The following ADGRG2 variants were observed in gnomAD, a reference collection of about 807,000 sequenced individuals.
ADGRG2 encodes G protein-coupled receptor 64.
Under a neutral mutation model 74.1 loss-of-function variants are expected in ADGRG2, and 26 were observed. The observed-to-expected ratio is 0.35, with a 90% CI of 0.26 to 0.49. ADGRG2 has a LOEUF of 0.49. ADGRG2 is among the 20% of genes least tolerant of loss of function. ADGRG2 has a pLI of 0.99. For synonymous variants in ADGRG2, 296 were observed against 295.2 expected, an observed-to-expected ratio of 1.00 and a Z score of -0.03; for missense variants, 619 against 763.1, an observed-to-expected ratio of 0.81 and a Z score of 2.22.
chrX:19,107,969 A>G lies in ADGRG2; in HGVS notation c.-47+14473T>C, dbSNP rs190687941. Among the ~76,000 whole-genome samples the G allele has an allele frequency of 9.5e-4, 102 of 107,082 alleles. 2 individuals carry two copies. The East Asian group carries it at 0.025, about 26-fold the overall frequency. 93.0% of individuals were successfully genotyped at this position (107,082 alleles called of 115,157 possible). A position where few individuals can be genotyped will look rare whatever the true frequency, so the allele number is the denominator to read the frequency against. ...CAAAAAATTAGCCAGGTGTGGTGGCACGCACCTGTAGTCCCAGCTACTCAG... is the reference window on the plus strand; with the variant it reads ...CAAAAAATTAGCCAGGTGTGGTGGCGCGCACCTGTAGTCCCAGCTACTCAG... On this transcript the variant is annotated intron_variant, in intron 1 of 28. Transcript: ENST00000379869.
In ADGRG2 at chrX:18,990,993, C is replaced by G; in HGVS notation, c.2925G>C (p.Val975=). The G allele has an allele frequency of 8.3e-7, 1 of 1,202,199 alleles. No individual in the cohort carries two copies. The highest frequency in any genetic ancestry group is 1.8e-5 in the South Asian group (1 of 56,538). The change falls in exon 29 of 29, where the codon GTG becomes GTC. Residue 975 remains valine (V), a synonymous_variant. Transcript: ENST00000379869. ...GVSFSVQNGD[V]CLHDFTGKQH... is the part of the protein sequence containing the mutation. ...GTTTTCCAGTGAAATCGTGAAGGCACACATCTCCATTCTGAACACTAAAAG... is the reference window on the plus strand; with the variant it reads ...GTTTTCCAGTGAAATCGTGAAGGCAGACATCTCCATTCTGAACACTAAAAG...
chrX:19,103,160 C>A (rs771598398), intron 1 of ADGRG2, among the ~76,000 whole-genome samples: 1 of 111,504 alleles, frequency 9.0e-6, no homozygotes, highest in South Asian at 3.8e-4. Flanking sequence ...AGCCAAAATG[C>A]ACCAAAAACC....
intron 1 of ADGRG2, among the ~76,000 whole-genome samples, chrX:19,101,558 G>A (rs1314456903): frequency 9.1e-6 from 1 of 109,575 alleles, no homozygotes; most frequent in African/African-American, 3.3e-5. Context: ...AAAATTAGCC[G>A]ACCCTAGTGG....
chrX:19,105,387 A>C (rs988692541), intron 1 of ADGRG2, among the ~76,000 whole-genome samples: 8 of 112,623 alleles, frequency 7.1e-5, no homozygotes, highest in Admixed American at 1.9e-4. Context: ...TCATCCAACT[A>C]TAATTAGTTG....
At chrX:19,061,475 T>A (rs1281748355) in intron 3 of ADGRG2, among the ~76,000 whole-genome samples, 1 of 111,893 alleles carries the variant, frequency 8.9e-6, no homozygotes, top group Non-Finnish European at 1.9e-5. Flanking sequence ...CTCCCACAAT[T>A]CCTAATGGAG....
At chrX:19,047,154 T>A (rs2061209656) in intron 3 of ADGRG2, among the ~76,000 whole-genome samples, 2 of 111,958 alleles carry the variant, frequency 1.8e-5, no homozygotes, top group African/African-American at 6.5e-5. Flanking sequence ...CCTTAACAGG[T>A]CTTACAAATG....
chrX:19,066,846 C>G (rs1234733917), intron 3 of ADGRG2, among the ~76,000 whole-genome samples: 1 of 111,205 alleles, frequency 9.0e-6, no homozygotes, highest in Non-Finnish European at 1.9e-5. Flanking sequence ...TTCTCAGATG[C>G]CTTTTCTTCT....
Position 19,027,234 on chromosome X carries a change from G to C in ADGRG2, c.455C>G (p.Ser152Cys), listed in dbSNP as rs1364943984. The change falls in exon 11 of 29, where the codon TCT (serine) becomes TGT (cysteine). Residue 152 changes from serine (S) to cysteine (C), a missense_variant. Coordinates refer to ENST00000379869, the MANE Select transcript of ADGRG2 (RefSeq NM_001079858.3). The part of the protein sequence containing the change: ...ITNGTLTGVL[S>C]LSELKRSELN... ...GATTACTCACTTTAATTCACTTAGA[G>C]ACAGGACTCCAGTTAAGGTGCCATT... is the stretch of plus-strand genomic sequence containing the variant. 8.7e-7 allele frequency: 1 copy of C among 1,153,692 alleles called. No individual in the cohort carries two copies. Among genetic ancestry groups the C allele is most frequent in the Admixed American group, 2.2e-5 (1 of 45,948 alleles).
chrX:19,035,870 G>C, intron 7 of ADGRG2, 72 bp downstream of exon 7: 1 of 556,420 alleles, frequency 1.8e-6, no homozygotes, highest in Non-Finnish European at 3.0e-6. Flanking sequence ...TAGTAACCCA[G>C]TAGACTGCAC....
rs2060967407 is a variant in ADGRG2, at chrX:19,037,560, T to C, written c.202+29A>G. On this transcript the variant is annotated intron_variant, in intron 5 of 28. Transcript: ENST00000379869. The stretch of plus-strand genomic sequence containing the variant: ...CAAAACTTTAACAAATTGGACTAAA[T>C]CTAGGTTTAAATTTTTTCAAAATCT... 3.5e-6 allele frequency: 4 copies of C among 1,155,920 alleles called. No homozygotes were observed. The East Asian group carries it at 1.2e-4, about 35-fold the overall frequency.
intron 6 of ADGRG2, chrX:19,036,459 A>C (rs1056333407): frequency 1.8e-5 from 2 of 111,647 alleles, no homozygotes; most frequent in African/African-American, 6.5e-5. Flanking sequence ...ATATTCGACT[A>C]ACTTTTAAGA....
At chrX:19,024,345 G>A (rs891481196) in intron 11 of ADGRG2, among the ~76,000 whole-genome samples, 3 of 111,064 alleles carry the variant, frequency 2.7e-5, no homozygotes, top group Non-Finnish European at 5.7e-5. Flanking sequence ...TCCTCATCCC[G>A]TCTCCCACTG....
chrX:19,114,450 T>C (rs1359355085), intron 1 of ADGRG2, among the ~76,000 whole-genome samples: 1 of 111,425 alleles, frequency 9.0e-6, no homozygotes, highest in Non-Finnish European at 1.9e-5. Flanking sequence ...TGGACATCGG[T>C]ATTGATTTAT....
chrX:19,023,932 TG>T lies in ADGRG2; in HGVS notation c.486del (p.Asn162LysfsTer7). 8.4e-7 allele frequency: 1 copy of T among 1,186,707 alleles called. No homozygotes were observed. The highest frequency in any genetic ancestry group is 1.1e-6 in the Non-Finnish European group (1 of 872,996). On this transcript the variant is annotated frameshift_variant, in exon 12 of 29. Coordinates refer to ENST00000379869, the MANE Select transcript of ADGRG2 (RefSeq NM_001079858.3). LOFTEE classifies it high-confidence loss of function. The part of the protein sequence containing the change: ...SLSELKRSEL[N>X]KTLQTLSETY... ...ACCTCACTTAGGGTTTGCAGGGTTT[TG>T]TTGAGCTCTGAGCGTCTGTAATAAA...
chrX:19,032,524 G>A (rs1157986031), intron 8 of ADGRG2: 2 of 111,287 alleles, frequency 1.8e-5, no homozygotes, highest in Admixed American at 1.9e-4. Flanking sequence ...CGTTTCCAGT[G>A]ATGCGTGTCT....
At chrX:19,077,334 TAAAAAA>T (rs34976230) in intron 2 of ADGRG2, among the ~76,000 whole-genome samples, 28 of 38,617 alleles carry the variant, frequency 7.3e-4, no homozygotes, top group African/African-American at 3.5e-3. Flanking sequence ...CTGTCTCTAC[TAAAAAA>T]AAAAAAAAAA....
intron 1 of ADGRG2, among the ~76,000 whole-genome samples, chrX:19,085,269 C>A (rs2061920226): frequency 9.0e-6 from 1 of 111,643 alleles, no homozygotes; most frequent in Non-Finnish European, 1.9e-5. Context: ...GAGAAAAAAC[C>A]AAGTTTCTGA....
At chrX:19,088,802 C>T (rs1252766235) in intron 1 of ADGRG2, among the ~76,000 whole-genome samples, 2 of 111,868 alleles carry the variant, frequency 1.8e-5, no homozygotes, top group African/African-American at 6.5e-5. Flanking sequence ...AGAGAAAATA[C>T]GACCAAAAGC....
At position 19,030,636 on chromosome X, in the gene ADGRG2, T is replaced by C. The variant is rs184037875; in HGVS notation, c.358+348A>G. On this transcript the variant is annotated intron_variant, in intron 9 of 28. Coordinates refer to ENST00000379869, the MANE Select transcript of ADGRG2 (RefSeq NM_001079858.3). ...TATGGAAAAGCTTGACAGATTTCTA[T>C]ATAAGAAGTGACTTTCAATAATTAT... Among the ~76,000 whole-genome samples, 452 of 112,375 alleles carry C rather than the reference T, an allele frequency of 4.0e-3. 2 individuals carry two copies. The highest frequency in any genetic ancestry group is 6.7e-3 in the Non-Finnish European group (358 of 53,279).
Sources: gnomAD v4.1 joint callset for allele counts (sites outside exome capture counted in the v4.1 genomes callset) on GRCh38, gnomAD v4.1.1 for gene constraint, MANE v1.5 for transcripts, NCBI Gene and HGNC (gene_info 2026-07-23, HGNC 2026-07-21) for gene names.